The following CRYM variants were observed in gnomAD, a reference collection of about 807,000 sequenced individuals.
CRYM encodes the protein crystallin mu.
CRYM carries 18 observed loss-of-function variants against 32.9 expected under a neutral mutation model. The ratio of observed to expected loss-of-function variants is 0.55; its 90% CI spans 0.38 to 0.81. The LOEUF (loss-of-function observed/expected upper bound fraction) is 0.81. Ranked by LOEUF, CRYM falls within the 30% of genes least tolerant of loss-of-function variation. CRYM has a pLI of 0.00. For synonymous variants in CRYM, 153 were observed against 152.4 expected (o/e 1.00, Z -0.03); for missense variants, 337 against 393.5 (o/e 0.86, Z 1.21).
At chr16:21,269,764 T>G in intron 4 of CRYM, 26 bp downstream of exon 4, 1 of 971,980 alleles carries the variant, frequency 1.0e-6, no homozygotes, top group Non-Finnish European at 1.6e-6. Flanking sequence ...TTCCCTCTTC[T>G]CTCCCACCCC....
chr16:21,266,446 G>C (rs921196138), intron 5 of CRYM, among the ~76,000 whole-genome samples: 2 of 152,050 alleles, frequency 1.3e-5, no homozygotes, highest in South Asian at 2.1e-4. Flanking sequence ...ATTAGATGTA[G>C]ACCAGCTCTT....
chr16:21,283,142 C>A (rs1303729800), upstream of CRYM, among the ~76,000 whole-genome samples: 54 of 152,200 alleles, frequency 3.5e-4, no homozygotes, highest in Non-Finnish European at 8.8e-5. Flanking sequence ...ACAGACCCTG[C>A]GGAGGAGGTG....
chr16:21,278,462 C>T, upstream of CRYM: 1 of 612,114 alleles, frequency 1.6e-6, no homozygotes, highest in South Asian at 1.9e-5. Flanking sequence ...GGGTCCCTTC[C>T]AGCAACGGAT....
chr16:21,290,506 C>G (rs1024417730), intron 1 of CRYM, among the ~76,000 whole-genome samples: 1 of 152,052 alleles, frequency 6.6e-6, no homozygotes, highest in South Asian at 2.1e-4. Flanking sequence ...CGCAAGGGTC[C>G]GTGGCTTCTT....
chr16:21,282,554 C>T (rs746384801), upstream of CRYM, among the ~76,000 whole-genome samples: 10 of 151,916 alleles, frequency 6.6e-5, no homozygotes, highest in Non-Finnish European at 1.5e-4. Flanking sequence ...AATTTAGCCC[C>T]GATTAAATAG....
At chr16:21,281,113 T>A (rs901138250), upstream of CRYM, among the ~76,000 whole-genome samples, 10 of 79,656 alleles carry the variant, frequency 1.3e-4, no homozygotes, top group African/African-American at 3.4e-4. Flanking sequence ...TCTCTCACTC[T>A]CTCTCTCTCT....
intron 1 of CRYM, among the ~76,000 whole-genome samples, chr16:21,292,897 A>G (rs1960696625): frequency 6.6e-6 from 1 of 152,170 alleles, no homozygotes; most frequent in South Asian, 2.1e-4. Flanking sequence ...TTATAAAACT[A>G]CGATAATTAA....
At chr16:21,286,790 T>C (rs910155372) in intron 1 of CRYM, among the ~76,000 whole-genome samples, 1 of 152,166 alleles carries the variant, frequency 6.6e-6, no homozygotes, top group Admixed American at 6.5e-5. Context: ...GAGTTCCTTT[T>C]GGAAGATACT....
At position 21,275,003 on chromosome 16, in the gene CRYM, C is replaced by T. The variant is rs117561970; in HGVS notation, c.387+529G>A. Among the ~76,000 whole-genome samples the T allele has an allele frequency of 5.8e-3, 879 of 152,342 alleles. 46 individuals carry two copies. The highest frequency in any genetic ancestry group is 0.051 in the Admixed American group (783 of 15,306). On this transcript the variant is annotated intron_variant, in intron 3 of 7. Transcript: ENST00000572914. ...CTAACATTTAGAACAGTGCCTGACACATGATAGAAGCCCAGTCAATACTTG... is the reference window on the plus strand; with the variant it reads ...CTAACATTTAGAACAGTGCCTGACATATGATAGAAGCCCAGTCAATACTTG...
chr16:21,290,456 C>T (rs940154284), intron 1 of CRYM, among the ~76,000 whole-genome samples: 2 of 152,106 alleles, frequency 1.3e-5, no homozygotes, highest in African/African-American at 4.8e-5. Flanking sequence ...TCTGAAGGAA[C>T]AACTCTGGAC....
At chr16:21,292,628 C>T (rs1480903766) in intron 1 of CRYM, among the ~76,000 whole-genome samples, 1 of 152,004 alleles carries the variant, frequency 6.6e-6, no homozygotes, top group African/African-American at 2.4e-5. Context: ...TATATATTTT[C>T]TTAATTGCAA....
chr16:21,276,719 T>C (rs931613220), intron 2 of CRYM, among the ~76,000 whole-genome samples: 2 of 152,236 alleles, frequency 1.3e-5, no homozygotes, highest in Non-Finnish European at 2.9e-5. Flanking sequence ...AAAATGGCGG[T>C]GGTCTTAGAA....
At chr16:21,264,970 GA>G (rs1457306062) in intron 5 of CRYM, among the ~76,000 whole-genome samples, 1 of 152,064 alleles carries the variant, frequency 6.6e-6, no homozygotes, top group Non-Finnish European at 1.5e-5. Flanking sequence ...TCTTTTTTGT[GA>G]GACTTTGCAC....
In CRYM at chr16:21,277,440, G is replaced by A. The variant is rs949801239; in HGVS notation, c.315C>T (p.Thr105=). Residue 105 remains threonine, a synonymous_variant, in exon 2 of 8, where the codon ACC becomes ACT. Transcript: ENST00000572914. This position sits in a 1 kb window ranked among gnomAD's most constrained non-coding sequence, Gnocchi z 4.2. Reference sequence around the variant, plus strand: ...ACAGGAAGTTGCTCACCGCCAGCAGGGTGCCATTGCTGGGCTCAAAGAGTA... The same window carrying A: ...ACAGGAAGTTGCTCACCGCCAGCAGAGTGCCATTGCTGGGCTCAAAGAGTA... ...TVLLFEPSNG[T]LLAVMDGNVI... 6.2e-7 allele frequency: 1 copy of A among 1,613,250 alleles called. No homozygotes were observed. The highest frequency in any genetic ancestry group is 2.2e-5 in the East Asian group (1 of 44,888).
chr16:21,272,714 A>G (rs1237231113), intron 3 of CRYM, among the ~76,000 whole-genome samples: 1 of 145,264 alleles, frequency 6.9e-6, no homozygotes, highest in Non-Finnish European at 1.5e-5. Flanking sequence ...CAGTGGTGTG[A>G]TCTTGGCTCA....
chr16:21,276,204 A>T (rs1263275069), intron 2 of CRYM, among the ~76,000 whole-genome samples: 1 of 152,176 alleles, frequency 6.6e-6, no homozygotes, highest in Admixed American at 6.5e-5. Context: ...TATTCATCTC[A>T]GCTGATCATC....
chr16:21,270,051 C>T (rs187737729), intron 3 of CRYM, among the ~76,000 whole-genome samples, 160 bp from the exon 4 acceptor site: 7 of 152,242 alleles, frequency 4.6e-5, no homozygotes, highest in South Asian at 2.1e-4. Context: ...TAGTTTCCCC[C>T]GTATCAAGTG....
chr16:21,271,349 C>T (rs1269871684), intron 3 of CRYM, among the ~76,000 whole-genome samples: 2 of 152,130 alleles, frequency 1.3e-5, no homozygotes, highest in Non-Finnish European at 2.9e-5. Context: ...TAAATAAAAC[C>T]CTCTTCTGCC....
chr16:21,274,512 T>C (rs1392710254), intron 3 of CRYM, among the ~76,000 whole-genome samples: 3 of 152,244 alleles, frequency 2.0e-5, no homozygotes, highest in African/African-American at 7.2e-5. Flanking sequence ...CTATTAATCA[T>C]TTATTAATAT....
Sources: allele counts gnomAD v4.1 joint callset (sites outside exome capture counted in the v4.1 genomes callset), GRCh38; gene constraint gnomAD v4.1.1; non-coding constraint Gnocchi (gnomAD v3.1); transcripts MANE v1.5; gene names NCBI Gene and HGNC (gene_info 2026-07-23, HGNC 2026-07-21).